Variants in DRC11 observed in about 807,000 individuals in gnomAD.
DRC11 encodes the protein IQ and AAA domain-containing protein 1.
the DRC11 span, chr2:236,409,000 C>G: frequency 1.4e-6 from 1 of 701,082 alleles, no homozygotes; most frequent in Non-Finnish European, 2.6e-6. This position sits in a 1 kb window ranked among gnomAD's most constrained non-coding sequence, Gnocchi z 5.5. Flanking sequence ...TTCACCTTCC[C>G]ACGATGCGTG....
the DRC11 span, among the ~76,000 whole-genome samples, chr2:236,396,628 A>G: frequency 6.6e-6 from 1 of 152,198 alleles, no homozygotes; most frequent in African/African-American, 2.4e-5. Flanking sequence ...TCTAATGCTT[A>G]ACGTTTGCTT....
chr2:236,357,846 ATATATAAATATATAC>A, the DRC11 span, among the ~76,000 whole-genome samples: 4 of 96,792 alleles, frequency 4.1e-5, no homozygotes, highest in Non-Finnish European at 6.5e-5. Flanking sequence ...TAAATATGTA[ATATATAAATATATAC>A]TATATAAATA....
At chr2:236,494,388 T>G in the DRC11 span, among the ~76,000 whole-genome samples, 1 of 152,232 alleles carries the variant, frequency 6.6e-6, no homozygotes, top group Non-Finnish European at 1.5e-5. This position sits in a 1 kb window ranked among gnomAD's most constrained non-coding sequence, Gnocchi z 4.2. Context: ...AAAAGTAGTT[T>G]GCTTTATTGT....
At chr2:236,392,633 TCTA>T in the DRC11 span, among the ~76,000 whole-genome samples, 1 of 152,208 alleles carries the variant, frequency 6.6e-6, no homozygotes, top group Admixed American at 6.5e-5. This position sits in a 1 kb window ranked among gnomAD's most constrained non-coding sequence, Gnocchi z 5.1. Flanking sequence ...ACAATAGTAT[TCTA>T]CTGTATTATT....
At chr2:236,409,827 G>A in the DRC11 span, among the ~76,000 whole-genome samples, 1 of 152,134 alleles carries the variant, frequency 6.6e-6, no homozygotes, top group East Asian at 1.9e-4. Context: ...AAGGGTTGCT[G>A]AATTTTGTCA....
At chr2:236,477,848 C>T in the DRC11 span, among the ~76,000 whole-genome samples, 2 of 152,128 alleles carry the variant, frequency 1.3e-5, no homozygotes, top group East Asian at 1.9e-4. Flanking sequence ...TAGTTTCTAA[C>T]GATCCTATAT....
chr2:236,433,252 A>G, the DRC11 span, among the ~76,000 whole-genome samples: 1 of 152,054 alleles, frequency 6.6e-6, no homozygotes, highest in Admixed American at 6.6e-5. Flanking sequence ...CTTAAAGTTT[A>G]GTTTGGTCAT....
the DRC11 span, chr2:236,331,913 A>T: frequency 2.8e-5 from 8 of 284,812 alleles, no homozygotes; most frequent in Non-Finnish European, 5.3e-5. The surrounding 1 kb of genome is among the most constrained non-coding windows in gnomAD (Gnocchi z 4.8). Context: ...ACAATCTGTC[A>T]ACACTGGAAA....
chr2:236,356,418 CCT>C, the DRC11 span, among the ~76,000 whole-genome samples: 1 of 152,152 alleles, frequency 6.6e-6, no homozygotes, highest in Non-Finnish European at 1.5e-5. Context: ...TGGCCTTGCC[CCT>C]GTGTCTTGTG....
At chr2:236,357,634 T>C in the DRC11 span, among the ~76,000 whole-genome samples, 2 of 106,010 alleles carry the variant, frequency 1.9e-5, no homozygotes, top group South Asian at 2.6e-4. Context: ...AATATGCATA[T>C]AATATGTAAA....
At chr2:236,403,565 T>C in the DRC11 span, among the ~76,000 whole-genome samples, 2 of 152,154 alleles carry the variant, frequency 1.3e-5, no homozygotes, top group Admixed American at 6.5e-5. Flanking sequence ...CCATCTGTTA[T>C]AGCAGAATCA....
At chr2:236,336,853 C>T in the DRC11 span, among the ~76,000 whole-genome samples, 7 of 152,354 alleles carry the variant, frequency 4.6e-5, no homozygotes, top group Admixed American at 1.3e-4. The surrounding 1 kb of genome is among the most constrained non-coding windows in gnomAD (Gnocchi z 7.3). Flanking sequence ...CGGCCTCCCT[C>T]GAATCTGGGC....
the DRC11 span, among the ~76,000 whole-genome samples, chr2:236,308,187 C>T: frequency 6.6e-6 from 1 of 152,264 alleles, no homozygotes; most frequent in Non-Finnish European, 1.5e-5. This position sits in a 1 kb window ranked among gnomAD's most constrained non-coding sequence, Gnocchi z 6.0. Flanking sequence ...TTTGCAGACA[C>T]TGACAATTCA....
the DRC11 span, among the ~76,000 whole-genome samples, chr2:236,383,666 CT>C: frequency 5.0e-3 from 710 of 143,324 alleles, 7 homozygotes; most frequent in African/African-American, 0.016. Context: ...TTTAAAACAA[CT>C]TTTTTTTTTA....
the DRC11 span, among the ~76,000 whole-genome samples, chr2:236,320,183 AT>A: frequency 2.0e-5 from 3 of 152,306 alleles, no homozygotes; most frequent in African/African-American, 7.2e-5. Context: ...TCACACATAT[AT>A]TTTGGACCAA....
At chr2:236,412,222 T>G in the DRC11 span, among the ~76,000 whole-genome samples, 1 of 152,100 alleles carries the variant, frequency 6.6e-6, no homozygotes, top group Non-Finnish European at 1.5e-5. Context: ...GCAGAGGGAC[T>G]CAGGAGGCAG....
At chr2:236,460,779 G>C in the DRC11 span, among the ~76,000 whole-genome samples, 2 of 152,096 alleles carry the variant, frequency 1.3e-5, no homozygotes, top group Non-Finnish European at 2.9e-5. The surrounding 1 kb of genome is among the most constrained non-coding windows in gnomAD (Gnocchi z 4.0). Flanking sequence ...TTTTGAGACA[G>C]AGTCTCGCTC....
the DRC11 span, chr2:236,441,264 G>A: frequency 3.2e-6 from 2 of 633,750 alleles, no homozygotes; most frequent in Middle Eastern, 3.5e-4. Context: ...GCTGGGCATG[G>A]TGTCTTGAAG....
the DRC11 span, chr2:236,487,899 G>A: frequency 1.5e-6 from 1 of 680,018 alleles, no homozygotes; most frequent in East Asian, 3.2e-5. Context: ...ATTAAGGGTA[G>A]GATTTGGTGT....
Sources: allele counts gnomAD v4.1 joint callset (sites outside exome capture counted in the v4.1 genomes callset), GRCh38; gene constraint gnomAD v4.1.1; non-coding constraint Gnocchi (gnomAD v3.1); transcripts MANE v1.5; gene names NCBI Gene and HGNC (gene_info 2026-07-23, HGNC 2026-07-21).